The following WDR70 variants were observed in gnomAD, a reference collection of about 807,000 sequenced individuals.
The protein encoded by WDR70 is WD repeat-containing protein 70.
A neutral mutation model predicts 88.6 loss-of-function variants in WDR70; 53 were observed. The observed-to-expected ratio is 0.60, with a 90% CI of 0.48 to 0.75. The LOEUF (loss-of-function observed/expected upper bound fraction) is 0.75, where lower values mean the gene tolerates loss of function less well. Ranked by LOEUF, WDR70 falls within the 30% of genes least tolerant of loss-of-function variation. The pLI is 0.00. For missense variants in WDR70, 610 were observed against 823.2 expected (o/e 0.74, Z 3.17); for synonymous variants, 280 against 270.0 (o/e 1.04, Z -0.36).
At chr5:37,484,373 C>T (rs543253623) in intron 8 of WDR70, among the ~76,000 whole-genome samples, 57 of 152,298 alleles carry the variant, frequency 3.7e-4, no homozygotes, top group Middle Eastern at 3.4e-3. Context: ...GCCAACACAG[C>T]GAAACCCTGT....
At chr5:37,725,805 C>G (rs1206622670) in intron 16 of WDR70, among the ~76,000 whole-genome samples, 1 of 152,018 alleles carries the variant, frequency 6.6e-6, no homozygotes, top group Non-Finnish European at 1.5e-5. Flanking sequence ...TTCTATTTGT[C>G]TTATACACAG....
intron 9 of WDR70, among the ~76,000 whole-genome samples, chr5:37,536,043 G>A (rs568384505): frequency 2.6e-5 from 4 of 152,244 alleles, no homozygotes; most frequent in Admixed American, 2.6e-4. Context: ...CCTTTGGAAG[G>A]ACAAATTTCC....
At chr5:37,676,567 C>T (rs1561064553) in intron 10 of WDR70, among the ~76,000 whole-genome samples, 5 of 152,064 alleles carry the variant, frequency 3.3e-5, no homozygotes, top group Admixed American at 2.6e-4. Context: ...ACCAGCCTTG[C>T]ATCCCAGGGA....
chr5:37,386,984 A>T (rs1427161108), intron 3 of WDR70, among the ~76,000 whole-genome samples: 2 of 152,146 alleles, frequency 1.3e-5, no homozygotes, highest in East Asian at 3.9e-4. Context: ...CTGTAGTGCC[A>T]GTTACTCAGG....
chr5:37,399,498 C>T (rs987148079), intron 5 of WDR70, among the ~76,000 whole-genome samples: 3 of 152,028 alleles, frequency 2.0e-5, no homozygotes, highest in Non-Finnish European at 4.4e-5. Context: ...AAATTTTTTT[C>T]TCTAAAAATC....
rs76162184 is a variant in WDR70, at chr5:37,591,525, C to T, written c.918-13539C>T. Among the ~76,000 whole-genome samples the T allele has an allele frequency of 4.8e-3, 727 of 152,268 alleles. 9 individuals are homozygous for T. The highest frequency in any genetic ancestry group is 0.017 in the African/African-American group (692 of 41,540). On this transcript the variant is annotated intron_variant, in intron 9 of 17. Coordinates refer to ENST00000265107, the MANE Select transcript of WDR70 (RefSeq NM_018034.4). ...TAAGACACAAATAATTGAGATATTCCTGTCCTGTGTAAAAGACTGGATGTG... is the reference window on the plus strand; with the variant it reads ...TAAGACACAAATAATTGAGATATTCTTGTCCTGTGTAAAAGACTGGATGTG...
intron 5 of WDR70, among the ~76,000 whole-genome samples, chr5:37,414,926 G>GCGGCCTTC (rs535091083): frequency 0.029 from 3,930 of 134,770 alleles, 343 homozygotes; most frequent in African/African-American, 0.14. Flanking sequence ...AGAGGACCCT[G>GCGGCCTTC]CGGCCTTCCG....
intron 7 of WDR70, among the ~76,000 whole-genome samples, chr5:37,443,859 T>C (rs1453440154): frequency 6.9e-6 from 1 of 145,966 alleles, no homozygotes; most frequent in African/African-American, 2.6e-5. Context: ...TCAAAAAAAA[T>C]TACAAAAGGC....
intron 10 of WDR70, among the ~76,000 whole-genome samples, chr5:37,669,259 T>C (rs1403615208): frequency 1.3e-5 from 2 of 152,162 alleles, no homozygotes; most frequent in Admixed American, 1.3e-4. Flanking sequence ...TTTTACATTA[T>C]GGGGATGCTG....
chr5:37,630,476 G>A (rs1430936167), intron 10 of WDR70, among the ~76,000 whole-genome samples: 1 of 152,102 alleles, frequency 6.6e-6, no homozygotes, highest in Non-Finnish European at 1.5e-5. Flanking sequence ...TGGGCACTTA[G>A]CCACTCCACT....
chr5:37,479,572 T>A (rs1034630525), intron 7 of WDR70: 3 of 274,732 alleles, frequency 1.1e-5, no homozygotes, highest in African/African-American at 2.1e-5. Flanking sequence ...GGTTTCACCA[T>A]GTTGGTCCGG....
chr5:37,691,092 A>C (rs1219886656), intron 10 of WDR70, among the ~76,000 whole-genome samples: 1 of 152,224 alleles, frequency 6.6e-6, no homozygotes, highest in Non-Finnish European at 1.5e-5. Context: ...CCGATAAAAC[A>C]GACTTTAAAC....
intron 5 of WDR70, among the ~76,000 whole-genome samples, chr5:37,410,236 C>CAAGGCAG (rs1453845031): frequency 7.3e-6 from 1 of 136,228 alleles, no homozygotes; most frequent in Non-Finnish European, 1.5e-5. Flanking sequence ...ACAAGGTCTT[C>CAAGGCAG]CCATGTTGCC....
chr5:37,635,944 A>C (rs1581453636), intron 10 of WDR70, among the ~76,000 whole-genome samples: 1 of 152,026 alleles, frequency 6.6e-6, no homozygotes, highest in African/African-American at 2.4e-5. Flanking sequence ...TTCACACGGC[A>C]CTTCTTGCTG....
rs1415874507 is a variant in WDR70 at position 37,643,935 on chromosome 5, G to A, written c.1092+38697G>A. ...TAAGATTATGTCATCTGCAAACAAG[G>A]ATAATTTGACTTCTTCCTTTCCAAT... is the stretch of plus-strand genomic sequence containing the variant. On this transcript the variant is annotated intron_variant, in intron 10 of 17. Coordinates refer to ENST00000265107, the MANE Select transcript of WDR70 (RefSeq NM_018034.4). Among the ~76,000 whole-genome samples the A allele has an allele frequency of 3.9e-5, 6 of 152,058 alleles. No homozygotes were observed. The South Asian group carries it at 1.0e-3, about 26-fold the overall frequency.
At chr5:37,604,396 T>C (rs1196113957) in intron 9 of WDR70, among the ~76,000 whole-genome samples, 7 of 152,204 alleles carry the variant, frequency 4.6e-5, no homozygotes, top group African/African-American at 1.7e-4. Flanking sequence ...TTTTCTGTAT[T>C]TTAAGCTTTT....
chr5:37,598,177 C>T (rs1743756520), intron 9 of WDR70, among the ~76,000 whole-genome samples: 1 of 152,128 alleles, frequency 6.6e-6, no homozygotes. Flanking sequence ...AAGTTGAATA[C>T]CACATTTGTC....
intron 10 of WDR70, among the ~76,000 whole-genome samples, chr5:37,677,020 A>T (rs1363605387): frequency 6.6e-6 from 1 of 152,112 alleles, no homozygotes; most frequent in African/African-American, 2.4e-5. Flanking sequence ...GTTTATTTGC[A>T]TAGAGGTGTT....
chr5:37,532,542 A>G (rs1741528730), intron 9 of WDR70, among the ~76,000 whole-genome samples: 1 of 151,944 alleles, frequency 6.6e-6, no homozygotes, highest in Admixed American at 6.6e-5. Flanking sequence ...CTGCTTGTTC[A>G]GTTCTATTGC....
Sources: gnomAD v4.1 joint callset for allele counts (sites outside exome capture counted in the v4.1 genomes callset) on GRCh38, gnomAD v4.1.1 for gene constraint, MANE v1.5 for transcripts, NCBI Gene and HGNC (gene_info 2026-07-23, HGNC 2026-07-21) for gene names.